SLC25A6: variants seen among roughly 807,000 people sequenced by gnomAD.
SLC25A6 encodes the protein ADP/ATP translocase 3.
Under a neutral mutation model 25.7 loss-of-function variants are expected in SLC25A6, and 9 were observed. The ratio of observed to expected loss-of-function variants is 0.35; its 90% CI spans 0.21 to 0.61. The LOEUF (loss-of-function observed/expected upper bound fraction) is 0.61. Among genes scored for constraint, SLC25A6 ranks in the 20% least tolerant of loss-of-function variants. The pLI is 0.76. For synonymous variants in SLC25A6, 223 were observed against 197.0 expected (o/e 1.13, Z -1.11); for missense variants, 404 against 440.5 (o/e 0.92, Z 0.74).
chrX:1,386,542 T>A lies in SLC25A6; in HGVS notation c.*60A>T, dbSNP rs1345620270. On this transcript the variant is annotated 3_prime_UTR_variant, in exon 4 of 4. Transcript: ENST00000381401. ...GGTTGATGGTCCGCACGGTTGAGGA[T>A]TCTACGTGGTTCTCTTGGTTCCCCT... 6.2e-6 allele frequency: 9 copies of A among 1,445,362 alleles called. No individual in the cohort carries two copies. The highest frequency in any genetic ancestry group is 8.2e-6 in the Non-Finnish European group (9 of 1,097,002). 89.5% of individuals were successfully genotyped at this position (1,445,362 alleles called of 1,614,324 possible).
At chrX:1,387,506 C>A (rs1213394871) in intron 2 of SLC25A6, 87 bp from the exon 3 acceptor site, 7 of 1,559,176 alleles carry the variant, frequency 4.5e-6, no homozygotes, top group Non-Finnish European at 6.1e-6. Flanking sequence ...TCACGGCCCC[C>A]TGAGGTGGTG....
chrX:1,387,447 C>G (rs1271944038), intron 2 of SLC25A6, 28 bp from the exon 3 acceptor site: 1 of 1,608,866 alleles, frequency 6.2e-7, no homozygotes, highest in East Asian at 2.2e-5. Context: ...GTCACCGTCT[C>G]CAGCGCCTGC....
At chrX:1,387,257 G>C in intron 3 of SLC25A6, 22 bp downstream of exon 3, 1 of 1,608,152 alleles carries the variant, frequency 6.2e-7, no homozygotes, top group African/African-American at 1.3e-5. Flanking sequence ...CGGCAGCAAG[G>C]GTCCCCCGCC....
chrX:1,388,059 C>T (rs1392025760), intron 2 of SLC25A6, among the ~76,000 whole-genome samples: 1 of 150,488 alleles, frequency 6.6e-6, no homozygotes, highest in Non-Finnish European at 1.5e-5. Context: ...TTATAAGCCA[C>T]CCAGTCTATA....
chrX:1,391,287 C>G (rs1317007807), intron 1 of SLC25A6, among the ~76,000 whole-genome samples: 5 of 152,172 alleles, frequency 3.3e-5, no homozygotes, highest in African/African-American at 9.7e-5. Flanking sequence ...CATCACCGAG[C>G]TGTCACTCGG....
At position 1,386,677 on chromosome X, in the gene SLC25A6, C is replaced by T. The variant is rs374378029; in HGVS notation, c.822G>A (p.Ala274=). 3.4e-5 allele frequency: 55 copies of T among 1,613,250 alleles called. No individual in the cohort carries two copies. Among genetic ancestry groups the T allele is most frequent in the African/African-American group, 5.3e-5 (4 of 74,844 alleles). ...DEGGKAFFKG[A]WSNVLRGMGG... is the part of the protein sequence containing the mutation. Reference sequence around the variant, plus strand: ...CCATGCCCCGCAGGACGTTGGACCACGCACCCTTGAAGAAGGCCTTGCCCC... The same window carrying T: ...CCATGCCCCGCAGGACGTTGGACCATGCACCCTTGAAGAAGGCCTTGCCCC... The change falls in exon 4 of 4, where the codon GCG becomes GCA. Residue 274 remains alanine (A), a synonymous_variant. Transcript: ENST00000381401.
At chrX:1,389,869 T>C in intron 1 of SLC25A6, 142 bp from the exon 2 acceptor site, 1 of 1,420,984 alleles carries the variant, frequency 7.0e-7, no homozygotes, top group African/African-American at 1.4e-5. Flanking sequence ...GTGATTCTCC[T>C]GTCTCAGCCT....
rs776381530 is a variant in SLC25A6 at position 1,389,383 on chromosome X, G to C, written c.456C>G (p.Arg152=). The C allele has an allele frequency of 6.2e-7, 1 of 1,613,724 alleles. No individual in the cohort carries two copies. Among genetic ancestry groups the C allele is most frequent in the Non-Finnish European group, 8.5e-7 (1 of 1,179,872 alleles). ...GGCAGTCTCCCAGGCCTCGGAACTC[G>C]CGCTCTGTGCCTGACTTTCCCACGT... ...AADVGKSGTE[R]EFRGLGDCLV... is the part of the protein sequence containing the mutation. Residue 152 remains arginine (R), a synonymous_variant, in exon 2 of 4, where the codon CGC becomes CGG. Transcript: ENST00000381401.
chrX:1,389,796 T>C, intron 1 of SLC25A6, 69 bp from the exon 2 acceptor site: 2 of 1,569,186 alleles, frequency 1.3e-6, no homozygotes, highest in East Asian at 4.5e-5. Context: ...AGCTACAGGG[T>C]GCATCCTTTT....
At chrX:1,387,230 A>G in intron 3 of SLC25A6, 49 bp downstream of exon 3, 1 of 1,600,840 alleles carries the variant, frequency 6.2e-7, no homozygotes, top group Non-Finnish European at 8.5e-7. Context: ...TAGGGCAAGG[A>G]GCTTGGTTCC....
In SLC25A6 at chrX:1,388,519, TA is replaced by T. The variant is rs777088860; in HGVS notation, c.598+721del. On this transcript the variant is annotated intron_variant, in intron 2 of 3. Coordinates refer to ENST00000381401, the MANE Select transcript of SLC25A6 (RefSeq NM_001636.4). The stretch of plus-strand genomic sequence containing the variant: ...TGGGAGAATCAATGTCTGTTGTTTC[TA>T]AGTCACCCAGTCTATGGTGTTCTGG... Among the ~76,000 whole-genome samples the T allele has an allele frequency of 1.5e-4, 21 of 144,154 alleles. No homozygotes were observed. In the South Asian group the frequency reaches 4.3e-3, roughly 29 times the overall value. 94.6% of individuals were successfully genotyped at this position (144,154 alleles called of 152,430 possible). A position where few individuals can be genotyped will look rare whatever the true frequency, so the allele number is the denominator to read the frequency against.
chrX:1,389,119 G>A (rs1692062066), intron 2 of SLC25A6, 122 bp downstream of exon 2: 2 of 1,072,686 alleles, frequency 1.9e-6, no homozygotes, highest in Non-Finnish European at 2.7e-6. Context: ...GTCCAGGAGA[G>A]AGGCCGCAGG....
At chrX:1,386,827 C>G (rs1409931544) in intron 3 of SLC25A6, 68 bp from the exon 4 acceptor site, 1 of 1,526,646 alleles carries the variant, frequency 6.6e-7, no homozygotes, top group Non-Finnish European at 8.8e-7. Context: ...CCACCTGCAC[C>G]CACAAAGACG....
Position 1,386,375 on chromosome X carries a change from G to T in SLC25A6, c.*227C>A, listed in dbSNP as rs143087129. 3.9e-6 allele frequency: 2 copies of T among 506,738 alleles called. No individual in the cohort carries two copies. The highest frequency in any genetic ancestry group is 3.5e-5 in the East Asian group (1 of 28,358). 31.4% of individuals were successfully genotyped at this position (506,738 alleles called of 1,614,324 possible). On this transcript the variant is annotated 3_prime_UTR_variant, in exon 4 of 4. Transcript: ENST00000381401. ...TCACCCATGGGCCCCACGCAGGGAC[G>T]CCACGGTTCCCTCCCACCCCGTGAT...
chrX:1,387,443 G>A (rs1218710813), intron 2 of SLC25A6, 24 bp from the exon 3 acceptor site: 15 of 1,609,524 alleles, frequency 9.3e-6, no homozygotes, highest in Admixed American at 5.0e-5. Flanking sequence ...GCACGTCACC[G>A]TCTCCAGCGC....
In SLC25A6 at chrX:1,386,722, C is replaced by T. The variant is rs779735016; in HGVS notation, c.777G>A (p.Arg259=). The T allele has an allele frequency of 8.1e-6, 13 of 1,612,680 alleles. No individual in the cohort carries two copies. In the Admixed American group the frequency reaches 2.0e-4, roughly 25 times the overall value. The change falls in exon 4 of 4, where the codon AGG becomes AGA. Residue 259 remains arginine, a synonymous_variant. Coordinates refer to ENST00000381401, the MANE Select transcript of SLC25A6 (RefSeq NM_001636.4). ...TGCCCCCCTCATCTCTGAAGATCTTCCTCCAACAGTCGACGGTGCCCGTGT... is the reference window on the plus strand; with the variant it reads ...TGCCCCCCTCATCTCTGAAGATCTTTCTCCAACAGTCGACGGTGCCCGTGT... ...IMYTGTVDCW[R]KIFRDEGGKA...
intron 1 of SLC25A6, among the ~76,000 whole-genome samples, chrX:1,391,333 T>A (rs1479499101): frequency 1.3e-5 from 2 of 152,166 alleles, no homozygotes; most frequent in African/African-American, 2.4e-5. Flanking sequence ...GGCGGCAATG[T>A]TCCTAGGCAT....
chrX:1,389,520 T>C lies in SLC25A6; in HGVS notation c.319A>G (p.Thr107Ala), dbSNP rs150164208. The C allele has an allele frequency of 3.7e-6, 6 of 1,614,164 alleles. No homozygotes were observed. The highest frequency in any genetic ancestry group is 4.2e-6 in the Non-Finnish European group (5 of 1,180,020). Residue 107 changes from threonine to alanine, a missense_variant, in exon 2 of 4, where the codon ACG (threonine) becomes GCG (alanine). Transcript: ENST00000381401. Reference sequence around the variant, plus strand: ...CCCGCAAAGTACCTCCAGAACTGCGTGTGCTTGTCCACGCCCCCCAGGAAG... The same window carrying C: ...CCCGCAAAGTACCTCCAGAACTGCGCGTGCTTGTCCACGCCCCCCAGGAAG... ...QIFLGGVDKH[T>A]QFWRYFAGNL...
rs1469001565 is a variant in SLC25A6 at position 1,386,749 on chromosome X, CATG to C, written c.747_749del (p.Ile249del). On this transcript the variant is annotated inframe_deletion, in exon 4 of 4. Transcript: ENST00000381401. ...TCCAACAGTCGACGGTGCCCGTGTA[CATG>C]ATGTCAGCTGCAACGACAGGGAGAC... 6.2e-7 allele frequency: 1 copy of C among 1,604,264 alleles called. No individual in the cohort carries two copies. Among genetic ancestry groups the C allele is most frequent in the African/African-American group, 1.3e-5 (1 of 74,202 alleles).
Sources: allele counts gnomAD v4.1 joint callset (sites outside exome capture counted in the v4.1 genomes callset), GRCh38; gene constraint gnomAD v4.1.1; transcripts MANE v1.5; gene names NCBI Gene and HGNC (gene_info 2026-07-23, HGNC 2026-07-21).